The following RAPGEF2 variants were observed in gnomAD, a reference collection of about 807,000 sequenced individuals.
RAPGEF2 encodes PDZ domain containing guanine nucleotide exchange factor (GEF) 1.
In RAPGEF2, 54 loss-of-function variants were observed where a neutral mutation model predicts 186.7. The ratio of observed to expected loss-of-function variants is 0.29; its 90% confidence interval spans 0.23 to 0.36. RAPGEF2 has a LOEUF of 0.36. RAPGEF2 is among the 10% of genes least tolerant of loss of function. RAPGEF2 has a pLI of 1.00. For missense variants in RAPGEF2, 1,532 were observed against 2,045.0 expected (o/e 0.75, Z 4.84); for synonymous variants, 712 against 705.9 (o/e 1.01, Z -0.14).
At chr4:159,341,222 G>C (rs1404417131) in intron 19 of RAPGEF2, among the ~76,000 whole-genome samples, 1 of 152,152 alleles carries the variant, frequency 6.6e-6, no homozygotes, top group African/African-American at 2.4e-5. Context: ...CTGCCTTAGG[G>C]CCTAGTCCCT....
intron 7 of RAPGEF2, among the ~76,000 whole-genome samples, chr4:159,270,678 G>A (rs994899701): frequency 1.3e-5 from 2 of 151,892 alleles, no homozygotes; most frequent in South Asian, 4.1e-4. Flanking sequence ...CTCAGTTGCC[G>A]GCACATAATA....
chr4:159,272,941 AC>A (rs1373190536), intron 7 of RAPGEF2, among the ~76,000 whole-genome samples: 2 of 152,184 alleles, frequency 1.3e-5, no homozygotes, highest in African/African-American at 4.8e-5. Context: ...AACTCAATTA[AC>A]AAAAAATGTG....
chr4:159,216,856 A>G (rs140473758), intron 4 of RAPGEF2, among the ~76,000 whole-genome samples: 14 of 152,330 alleles, frequency 9.2e-5, no homozygotes, highest in Admixed American at 3.9e-4. Flanking sequence ...TACTCTTAAT[A>G]ATCACATTTT....
At chr4:159,192,559 G>A (rs1269985569) in intron 2 of RAPGEF2, among the ~76,000 whole-genome samples, 2 of 152,124 alleles carry the variant, frequency 1.3e-5, no homozygotes, top group Non-Finnish European at 2.9e-5. Flanking sequence ...ATAATAGGAT[G>A]CTTCTTGAAG....
chr4:159,241,110 A>G (rs1044138818), intron 5 of RAPGEF2, 91 bp from the exon 6 acceptor site: 1 of 1,071,356 alleles, frequency 9.3e-7, no homozygotes, highest in South Asian at 2.3e-5. Flanking sequence ...AGATGATTGA[A>G]TATGGGTTAT....
chr4:159,180,575 G>A (rs934147275), intron 1 of RAPGEF2, among the ~76,000 whole-genome samples: 1 of 152,138 alleles, frequency 6.6e-6, no homozygotes, highest in South Asian at 2.1e-4. Flanking sequence ...GTGGGATGAT[G>A]TACTGTAAGA....
intron 4 of RAPGEF2, among the ~76,000 whole-genome samples, chr4:159,233,618 G>A (rs753426254): frequency 2.0e-5 from 3 of 152,054 alleles, no homozygotes; most frequent in Admixed American, 6.6e-5. Context: ...TTGGGGACTC[G>A]GGGGAAGTGT....
chr4:159,177,237 C>G (rs569575020), intron 1 of RAPGEF2, among the ~76,000 whole-genome samples: 1 of 145,758 alleles, frequency 6.9e-6, no homozygotes, highest in Non-Finnish European at 1.5e-5. Flanking sequence ...TTTTGGCATA[C>G]AGACACATCA....
At chr4:159,322,610 A>G (rs1489094008) in intron 10 of RAPGEF2, 127 bp downstream of exon 10, 1 of 712,086 alleles carries the variant, frequency 1.4e-6, no homozygotes, top group Non-Finnish European at 2.4e-6. Flanking sequence ...GAATAATTCA[A>G]GAATTATGGT....
intron 2 of RAPGEF2, among the ~76,000 whole-genome samples, chr4:159,189,900 G>A (rs539524850): frequency 2.2e-3 from 330 of 152,320 alleles, no homozygotes; most frequent in Middle Eastern, 3.4e-3. Context: ...CTGCATTGAA[G>A]TAAATCAAAC....
intron 7 of RAPGEF2, among the ~76,000 whole-genome samples, chr4:159,270,139 G>C (rs1046291418): frequency 6.6e-6 from 1 of 152,190 alleles, no homozygotes; most frequent in African/African-American, 2.4e-5. Context: ...TGAAATACTA[G>C]AATTTGCCAT....
At chr4:159,206,652 T>TTG (rs1750022064) in intron 3 of RAPGEF2, among the ~76,000 whole-genome samples, 1 of 152,338 alleles carries the variant, frequency 6.6e-6, no homozygotes, top group South Asian at 2.1e-4. Context: ...GGGAAGCACG[T>TTG]TGTACCCCAC....
At chr4:159,133,225 A>AC (rs1741305809) in intron 1 of RAPGEF2, among the ~76,000 whole-genome samples, 1 of 152,114 alleles carries the variant, frequency 6.6e-6, no homozygotes. Flanking sequence ...TGCAATGAAT[A>AC]CCCCTCACAT....
chr4:159,257,541 G>T (rs183171688), intron 7 of RAPGEF2, among the ~76,000 whole-genome samples: 130 of 152,252 alleles, frequency 8.5e-4, no homozygotes, highest in African/African-American at 3.0e-3. Flanking sequence ...ATGAGATTTG[G>T]TTGGGGATGC....
intron 7 of RAPGEF2, among the ~76,000 whole-genome samples, chr4:159,285,041 A>G (rs1561210889): frequency 6.6e-6 from 1 of 152,244 alleles, no homozygotes; most frequent in East Asian, 1.9e-4. Flanking sequence ...CCTGTCTCAA[A>G]AAAAGAAAAG....
chr4:159,108,652 T>A (rs1361598448), intron 1 of RAPGEF2, among the ~76,000 whole-genome samples: 1 of 152,150 alleles, frequency 6.6e-6, no homozygotes, highest in Non-Finnish European at 1.5e-5. Context: ...TTTGGATGAT[T>A]TAAAGAATCA....
Position 159,135,687 on chromosome 4 carries a change from C to T in RAPGEF2, c.69+31456C>T, listed in dbSNP as rs556252842. On this transcript the variant is annotated intron_variant, in intron 1 of 29. Coordinates refer to ENST00000691494, the MANE Select transcript of RAPGEF2 (RefSeq NM_001394067.2). ...TGATCTCGGCTCACTGCAACCTCTG[C>T]CTCCCGGGTTCAAGCGATTTTCCAG... Among the ~76,000 whole-genome samples, 74 of 152,158 alleles carry T rather than the reference C, an allele frequency of 4.9e-4. 3 individuals are homozygous for T. In the South Asian group the frequency reaches 9.1e-3, roughly 19 times the overall value.
At chr4:159,198,315 T>TG (rs1561075113) in intron 3 of RAPGEF2, among the ~76,000 whole-genome samples, 1 of 40,240 alleles carries the variant, frequency 2.5e-5, no homozygotes, top group Non-Finnish European at 4.7e-5. Flanking sequence ...TCTTTCTTTC[T>TG]TTCTTTCTTT....
chr4:159,303,560 A>T (rs1762931927), intron 7 of RAPGEF2, among the ~76,000 whole-genome samples: 1 of 152,194 alleles, frequency 6.6e-6, no homozygotes, highest in Non-Finnish European at 1.5e-5. Context: ...TAAGAACCTT[A>T]CATCTGTTTT....
Sources: allele counts gnomAD v4.1 joint callset (sites outside exome capture counted in the v4.1 genomes callset), GRCh38; gene constraint gnomAD v4.1.1; transcripts MANE v1.5; gene names NCBI Gene and HGNC (gene_info 2026-07-23, HGNC 2026-07-21).